Variants in ACSM3 observed in about 807,000 individuals in gnomAD.
ACSM3 encodes the protein acyl-CoA synthetase medium chain family member 3.
Under a neutral mutation model 74.1 loss-of-function variants are expected in ACSM3, and 61 were observed. That is an observed-to-expected ratio of 0.82 (90% CI 0.67 to 1.02). The LOEUF (loss-of-function observed/expected upper bound fraction) is 1.02, where lower values mean the gene tolerates loss of function less well. ACSM3 is among the 50% of genes least tolerant of loss of function. ACSM3 has a pLI of 0.00. For synonymous variants in ACSM3, 213 were observed against 241.5 expected (o/e 0.88, Z 1.09); for missense variants, 660 against 697.0 (o/e 0.95, Z 0.60).
At chr16:20,777,615 A>C in intron 4 of ACSM3, 35 bp downstream of exon 4, 1 of 1,558,932 alleles carries the variant, frequency 6.4e-7, no homozygotes, top group Non-Finnish European at 8.8e-7. Context: ...ACAGCTTCCC[A>C]AAAGGAAAGG....
intron 1 of ACSM3, among the ~76,000 whole-genome samples, chr16:20,701,104 A>G (rs1022786319): frequency 2.6e-5 from 4 of 152,116 alleles, no homozygotes; most frequent in African/African-American, 9.7e-5. Flanking sequence ...CAATAATATA[A>G]ATGGTAGGTC....
At chr16:20,750,248 C>T (rs1367297515) in intron 2 of ACSM3, among the ~76,000 whole-genome samples, 1 of 152,156 alleles carries the variant, frequency 6.6e-6, no homozygotes, top group East Asian at 1.9e-4. Context: ...TTTATTATAA[C>T]CATATGCGTG....
intron 1 of ACSM3, among the ~76,000 whole-genome samples, chr16:20,768,674 T>G (rs1300469015): frequency 1.3e-5 from 2 of 152,212 alleles, no homozygotes; most frequent in Non-Finnish European, 2.9e-5. Context: ...GATTCAAATG[T>G]ACAGCTGGAC....
chr16:20,689,638 T>G (rs2079617142), intron 1 of ACSM3, among the ~76,000 whole-genome samples: 2 of 152,214 alleles, frequency 1.3e-5, no homozygotes, highest in Admixed American at 6.5e-5. Context: ...AAAATGCTTA[T>G]AGTTTAATAT....
chr16:20,789,551 T>A (rs2080548057), intron 9 of ACSM3: 2 of 1,611,490 alleles, frequency 1.2e-6, no homozygotes, highest in Non-Finnish European at 1.7e-6. Flanking sequence ...TTCTGTAGGT[T>A]CCACAGCTAA....
intron 1 of ACSM3, chr16:20,741,845 C>T: frequency 6.5e-7 from 1 of 1,536,864 alleles, no homozygotes; most frequent in Non-Finnish European, 8.7e-7. Flanking sequence ...GACGGCCTCC[C>T]CTAGCCGGCC....
At chr16:20,765,896 A>ACT (rs1363317898) in intron 1 of ACSM3, among the ~76,000 whole-genome samples, 1 of 151,598 alleles carries the variant, frequency 6.6e-6, no homozygotes, top group African/African-American at 2.4e-5. Context: ...TTCTCCCATT[A>ACT]CTCTCTTTGT....
chr16:20,792,235 G>A lies in ACSM3; in HGVS notation c.1455-1G>A. 6.2e-7 allele frequency: 1 copy of A among 1,614,082 alleles called. No homozygotes were observed. Among genetic ancestry groups the A allele is most frequent in the Non-Finnish European group, 8.5e-7 (1 of 1,179,966 alleles). Reference sequence around the variant, plus strand: ...TGTATTCCTGCCATATGTGTTTCTAGCTATCGAATTGGACCATTTGAGGTA... The same window carrying A: ...TGTATTCCTGCCATATGTGTTTCTAACTATCGAATTGGACCATTTGAGGTA... On this transcript the variant is annotated splice_acceptor_variant, in intron 11 of 13. Transcript: ENST00000289416. LOFTEE classifies it high-confidence loss of function.
intron 1 of ACSM3, among the ~76,000 whole-genome samples, chr16:20,683,911 C>T (rs2079500140): frequency 6.6e-6 from 1 of 152,082 alleles, no homozygotes; most frequent in Non-Finnish European, 1.5e-5. Flanking sequence ...CTACAGATGA[C>T]ATGGCTTTTC....
intron 12 of ACSM3, among the ~76,000 whole-genome samples, chr16:20,795,866 G>A (rs565284023): frequency 1.3e-5 from 2 of 152,324 alleles, no homozygotes; most frequent in East Asian, 3.9e-4. Context: ...ACTAGGCAGA[G>A]TTTTCAAAAA....
Position 20,770,077 on chromosome 16 carries a change from T to C in ACSM3, c.43T>C (p.Cys15Arg), listed in dbSNP as rs1396755019. The C allele has an allele frequency of 6.2e-7, 1 of 1,614,064 alleles. No individual in the cohort carries two copies. The highest frequency in any genetic ancestry group is 8.5e-7 in the Non-Finnish European group (1 of 1,180,032). Residue 15 changes from cysteine to arginine, a missense_variant, in exon 2 of 14, where the codon TGT becomes CGT. Transcript: ENST00000289416. ...VTRKMLRHAK[C>R]FQRLAIFGSV... The stretch of plus-strand genomic sequence containing the variant: ...CAGGAAGATGCTACGTCATGCCAAG[T>C]GTTTTCAGCGCCTAGCAATTTTTGG...
rs566761032 is a variant in ACSM3 at position 20,710,190 on chromosome 16, A to G, written c.-190+35368A>G. ...GCCAAAGTAGTCTAGGCAAGGTTTG[A>G]TGATGCTAGACCACTAGAATCCATA... On this transcript the variant is annotated intron_variant, in intron 1 of 3. Coordinates refer to the ACSM3 transcript ENST00000561584. Among the ~76,000 whole-genome samples, 3 of 152,312 alleles carry G rather than the reference A, an allele frequency of 2.0e-5. No individual in the cohort carries two copies. In the South Asian group the frequency reaches 6.2e-4, roughly 32 times the overall value.
intron 1 of ACSM3, among the ~76,000 whole-genome samples, chr16:20,715,674 A>T (rs1316836279): frequency 6.6e-6 from 1 of 152,230 alleles, no homozygotes; most frequent in Non-Finnish European, 1.5e-5. Flanking sequence ...CTCATTCATC[A>T]TCAAGATGAA....
chr16:20,757,953 A>G (rs2080045264), intron 3 of ACSM3, among the ~76,000 whole-genome samples: 1 of 152,148 alleles, frequency 6.6e-6, no homozygotes, highest in Admixed American at 6.5e-5. Context: ...ATTTGCATAT[A>G]CTGAACCATC....
In ACSM3 at chr16:20,744,453, C is replaced by T. The variant is rs145550748; in HGVS notation, c.-189-5457C>T. 5.2e-3 allele frequency among the ~76,000 whole-genome samples: 797 copies of T among 152,250 alleles called. 6 individuals are homozygous for T. The highest frequency in any genetic ancestry group is 0.018 in the African/African-American group (740 of 41,542). ...AGGATGGAGTGCACTGGTGCAGTCT[C>T]GGCTCACTGCAACGTCCACTTACTG... On this transcript the variant is annotated intron_variant, in intron 1 of 3. Transcript: ENST00000561584.
intron 1 of ACSM3, chr16:20,749,270 A>G (rs527738184): frequency 6.6e-6 from 1 of 152,290 alleles, no homozygotes; most frequent in African/African-American, 2.4e-5. Flanking sequence ...TAAAGCCCAA[A>G]GATAAGAATG....
chr16:20,693,309 A>T (rs994280858), intron 1 of ACSM3, among the ~76,000 whole-genome samples: 1 of 152,182 alleles, frequency 6.6e-6, no homozygotes, highest in African/African-American at 2.4e-5. Flanking sequence ...GTTGACACAT[A>T]AAATTAAACC....
intron 1 of ACSM3, among the ~76,000 whole-genome samples, chr16:20,726,202 T>C (rs747492758): frequency 6.6e-6 from 1 of 152,240 alleles, no homozygotes; most frequent in East Asian, 1.9e-4. Context: ...AGCATATTTA[T>C]ACTGCCTTGA....
chr16:20,780,919 T>C, intron 5 of ACSM3, 55 bp from the exon 6 acceptor site: 2 of 1,612,294 alleles, frequency 1.2e-6, no homozygotes, highest in Non-Finnish European at 1.7e-6. Context: ...ACTTATGTAC[T>C]GGTCTTTTAT....
Sources: allele counts gnomAD v4.1 joint callset (sites outside exome capture counted in the v4.1 genomes callset), GRCh38; gene constraint gnomAD v4.1.1; transcripts MANE v1.5; gene names NCBI Gene and HGNC (gene_info 2026-07-23, HGNC 2026-07-21).